ZNF362: variants seen among roughly 807,000 people sequenced by gnomAD.
ZNF362 encodes the protein zinc finger protein 362, also known as rotund homolog.
Under a neutral mutation model 42.9 loss-of-function variants are expected in ZNF362, and 11 were observed. The observed-to-expected ratio is 0.26, with a 90% CI of 0.16 to 0.42. The LOEUF is 0.42. ZNF362 is among the 20% of genes least tolerant of loss of function. The pLI, the probability that ZNF362 is intolerant of heterozygous loss-of-function variation, is 1.00. For missense variants in ZNF362, 362 were observed against 576.2 expected (o/e 0.63, Z 3.81); for synonymous variants, 255 against 257.3 (o/e 0.99, Z 0.09).
chr1:33,246,185 C>T, the ZNF362 span, among the ~76,000 whole-genome samples: 2 of 152,278 alleles, frequency 1.3e-5, no homozygotes, highest in South Asian at 4.1e-4. Context: ...GAAGTGAATA[C>T]ACCTACTCAA....
chr1:33,147,315 G>A, the ZNF362 span: 1 of 1,613,988 alleles, frequency 6.2e-7, no homozygotes, highest in African/African-American at 1.3e-5. This position sits in a 1 kb window ranked among gnomAD's most constrained non-coding sequence, Gnocchi z 8.1. Context: ...CATCAGCATT[G>A]TAGAAGATGA....
chr1:33,136,061 C>T, the ZNF362 span, among the ~76,000 whole-genome samples: 3 of 152,014 alleles, frequency 2.0e-5, no homozygotes, highest in Admixed American at 2.0e-4. Context: ...CTCTTCTTGA[C>T]TGCCCCCATC....
chr1:33,255,477 T>C (rs936161447), upstream of ZNF362, among the ~76,000 whole-genome samples: 4 of 12,376 alleles, frequency 3.2e-4, no homozygotes, highest in Non-Finnish European at 0.015. Flanking sequence ...GAAGGGATCC[T>C]GGAACCGGCT....
chr1:33,278,292 G>A (rs1557793340), intron 4 of ZNF362, among the ~76,000 whole-genome samples: 1 of 152,032 alleles, frequency 6.6e-6, no homozygotes, highest in Non-Finnish European at 1.5e-5. Context: ...TGGTAGGGCT[G>A]TACCCATGAT....
the ZNF362 span, chr1:33,147,481 T>G: frequency 6.2e-7 from 1 of 1,613,008 alleles, no homozygotes. The surrounding 1 kb of genome is among the most constrained non-coding windows in gnomAD (Gnocchi z 8.1). Flanking sequence ...GATGCTGCCC[T>G]TGCGGCTTGC....
chr1:33,245,194 G>A, the ZNF362 span, among the ~76,000 whole-genome samples: 54 of 152,298 alleles, frequency 3.5e-4, no homozygotes, highest in Non-Finnish European at 6.3e-4. Flanking sequence ...TCTGACCGAT[G>A]ACCCTTCATT....
the ZNF362 span, among the ~76,000 whole-genome samples, chr1:33,246,471 C>G: frequency 6.6e-6 from 1 of 152,188 alleles, no homozygotes; most frequent in Non-Finnish European, 1.5e-5. Context: ...TTCACTCAGG[C>G]CATGGAAAAG....
chr1:33,297,511 CTCTTTTTTTTT>C (rs1348214143), intron 8 of ZNF362, among the ~76,000 whole-genome samples: 1 of 78,908 alleles, frequency 1.3e-5, no homozygotes, highest in Non-Finnish European at 2.3e-5. Flanking sequence ...TACATGATTC[CTCTTTTTTTTT>C]TTTTTTTTGA....
intron 1 of ZNF362, among the ~76,000 whole-genome samples, chr1:33,265,371 C>T (rs928427316): frequency 6.6e-6 from 1 of 152,020 alleles, no homozygotes; most frequent in African/African-American, 2.4e-5. Context: ...CCAGCTCCCA[C>T]TGACCTGGGC....
intron 8 of ZNF362, among the ~76,000 whole-genome samples, chr1:33,296,948 G>A (rs949509191): frequency 6.6e-6 from 1 of 151,992 alleles, no homozygotes; most frequent in Non-Finnish European, 1.5e-5. Flanking sequence ...GGGGCTACAG[G>A]TGTGCACCAC....
At chr1:33,211,917 G>A in the ZNF362 span, among the ~76,000 whole-genome samples, 1 of 152,008 alleles carries the variant, frequency 6.6e-6, no homozygotes, top group Non-Finnish European at 1.5e-5. Flanking sequence ...ATTGCTGGTG[G>A]GAATATCAAA....
the ZNF362 span, among the ~76,000 whole-genome samples, chr1:33,209,905 G>A: frequency 6.6e-6 from 1 of 151,860 alleles, no homozygotes; most frequent in Non-Finnish European, 1.5e-5. Flanking sequence ...TTTTTGAAGG[G>A]TTTGTTTTGT....
intron 1 of ZNF362, among the ~76,000 whole-genome samples, chr1:33,257,497 C>G (rs746017088): frequency 1.7e-4 from 26 of 151,208 alleles, no homozygotes; most frequent in Non-Finnish European, 3.7e-4. Context: ...CCCCAGCCAG[C>G]TGCCTTTGCA....
the ZNF362 span, among the ~76,000 whole-genome samples, chr1:33,213,617 C>T: frequency 1.3e-5 from 2 of 152,092 alleles, no homozygotes; most frequent in East Asian, 1.9e-4. Flanking sequence ...GAGGCCGAGG[C>T]GGGTGGATCA....
chr1:33,236,034 GTGCTGACTGT>G, the ZNF362 span, among the ~76,000 whole-genome samples: 3 of 152,150 alleles, frequency 2.0e-5, no homozygotes, highest in East Asian at 5.8e-4. Context: ...GGGGGTGCAA[GTGCTGACTGT>G]TGCCCCTTCT....
the ZNF362 span, among the ~76,000 whole-genome samples, chr1:33,248,306 C>G: frequency 6.6e-6 from 1 of 152,218 alleles, no homozygotes; most frequent in African/African-American, 2.4e-5. Context: ...GCTCTGCCCT[C>G]CTGCCCATTT....
At chr1:33,204,113 A>G in the ZNF362 span, among the ~76,000 whole-genome samples, 1 of 152,036 alleles carries the variant, frequency 6.6e-6, no homozygotes, top group African/African-American at 2.4e-5. Flanking sequence ...TGGTTCTTAT[A>G]TTTAGGTCCT....
intron 1 of ZNF362, among the ~76,000 whole-genome samples, chr1:33,259,916 A>T (rs1295813933): frequency 1.3e-5 from 2 of 152,218 alleles, no homozygotes; most frequent in African/African-American, 4.8e-5. Context: ...CTTTCAGCAC[A>T]TTCTTTCCCT....
At chr1:33,167,904 G>A in the ZNF362 span, among the ~76,000 whole-genome samples, 1 of 152,222 alleles carries the variant, frequency 6.6e-6, no homozygotes, top group Non-Finnish European at 1.5e-5. This position sits in a 1 kb window ranked among gnomAD's most constrained non-coding sequence, Gnocchi z 4.2. Flanking sequence ...CAACTATTAT[G>A]TACCAGGCAC....
Sources: gnomAD v4.1 joint callset for allele counts (sites outside exome capture counted in the v4.1 genomes callset) on GRCh38, gnomAD v4.1.1 for gene constraint, Gnocchi (gnomAD v3.1) non-coding constraint, MANE v1.5 for transcripts, NCBI Gene and HGNC (gene_info 2026-07-23, HGNC 2026-07-21) for gene names.